FOXP2: variants seen among roughly 807,000 people sequenced by gnomAD.
FOXP2 encodes forkhead box protein P2.
FOXP2 carries 12 observed loss-of-function variants against 115.8 expected under a neutral mutation model. That is an observed-to-expected ratio of 0.10 (90% CI 0.07 to 0.17). The LOEUF is 0.17. Among genes scored for constraint, FOXP2 ranks in the 10% least tolerant of loss-of-function variants. The pLI, the probability that FOXP2 is intolerant of heterozygous loss-of-function variation, is 1.00. For synonymous variants in FOXP2, 328 were observed against 297.7 expected (o/e 1.10, Z -1.05); for missense variants, 629 against 843.5 (o/e 0.75, Z 3.15).
chr7:114,271,571 A>G (rs1796043779), intron 1 of FOXP2, among the ~76,000 whole-genome samples: 1 of 126,900 alleles, frequency 7.9e-6, no homozygotes, highest in African/African-American at 3.0e-5. Context: ...TATATAATAT[A>G]ATTTATATAT....
chr7:114,501,781 T>C (rs1371696523), intron 2 of FOXP2, among the ~76,000 whole-genome samples: 1 of 152,108 alleles, frequency 6.6e-6, no homozygotes, highest in Non-Finnish European at 1.5e-5. Context: ...ACGGTGAAAT[T>C]CATAATTATT....
intron 1 of FOXP2, among the ~76,000 whole-genome samples, chr7:114,199,252 C>T (rs1793994356): frequency 6.6e-6 from 1 of 152,150 alleles, no homozygotes; most frequent in Admixed American, 6.5e-5. Flanking sequence ...GGTTGAATGT[C>T]TGAGTAAAAT....
At chr7:114,459,569 G>A (rs1427636223) in intron 2 of FOXP2, among the ~76,000 whole-genome samples, 1 of 152,088 alleles carries the variant, frequency 6.6e-6, no homozygotes, top group East Asian at 1.9e-4. Context: ...GTCCACAGTA[G>A]TTTTGTTGTT....
intron 2 of FOXP2, among the ~76,000 whole-genome samples, chr7:114,390,693 T>A (rs1215546707): frequency 1.3e-5 from 2 of 152,108 alleles, no homozygotes; most frequent in East Asian, 3.9e-4. Flanking sequence ...TAGCTGGGAC[T>A]ACAGCTGCCT....
At chr7:114,202,630 G>A (rs1794096787) in intron 1 of FOXP2, among the ~76,000 whole-genome samples, 1 of 152,184 alleles carries the variant, frequency 6.6e-6, no homozygotes, top group South Asian at 2.1e-4. Flanking sequence ...TAACATCACA[G>A]TGGTATTGGA....
chr7:114,402,083 C>T (rs557437220), intron 2 of FOXP2, among the ~76,000 whole-genome samples: 1 of 152,264 alleles, frequency 6.6e-6, no homozygotes, highest in South Asian at 2.1e-4. Context: ...GATCGTGCCA[C>T]TGCACTCCAG....
intron 2 of FOXP2, among the ~76,000 whole-genome samples, chr7:114,522,219 G>T (rs183136337): frequency 6.6e-6 from 1 of 152,244 alleles, no homozygotes; most frequent in Non-Finnish European, 1.5e-5. Context: ...AAATGAAGGG[G>T]TTTGCTTCCT....
At chr7:114,617,685 C>T (rs551434056) in intron 3 of FOXP2, among the ~76,000 whole-genome samples, 1 of 152,244 alleles carries the variant, frequency 6.6e-6, no homozygotes, top group South Asian at 2.1e-4. Flanking sequence ...CCCAGCTATT[C>T]CGGAGGCTAA....
intron 5 of FOXP2, 71 bp downstream of exon 5, chr7:114,630,076 T>C: frequency 6.3e-7 from 1 of 1,599,848 alleles, no homozygotes; most frequent in East Asian, 2.2e-5. Flanking sequence ...GCAAGAATAG[T>C]CTTAGATCTT....
intron 8 of FOXP2, among the ~76,000 whole-genome samples, chr7:114,647,596 T>A (rs1805983795): frequency 1.3e-5 from 2 of 151,864 alleles, no homozygotes; most frequent in Admixed American, 6.6e-5. Context: ...TGAGTTTTAG[T>A]GTAAAGTAGG....
At chr7:114,176,277 T>G (rs975081008) in intron 1 of FOXP2, among the ~76,000 whole-genome samples, 5 of 42,334 alleles carry the variant, frequency 1.2e-4, no homozygotes, top group African/African-American at 2.6e-4. Flanking sequence ...TCTTTCTTTC[T>G]TTCTTTCTTT....
At chr7:114,623,762 T>C (rs1804380872) in intron 3 of FOXP2, among the ~76,000 whole-genome samples, 1 of 151,924 alleles carries the variant, frequency 6.6e-6, no homozygotes, top group Admixed American at 6.6e-5. Context: ...ATACTAAAAC[T>C]TGTGTCTTAA....
At chr7:114,250,416 T>C (rs1258847427) in intron 1 of FOXP2, among the ~76,000 whole-genome samples, 1 of 152,176 alleles carries the variant, frequency 6.6e-6, no homozygotes, top group Non-Finnish European at 1.5e-5. Context: ...CCACCAGCAG[T>C]ATAAAAGTAT....
chr7:114,097,706 T>G (rs1158772668), intron 1 of FOXP2, among the ~76,000 whole-genome samples: 1 of 152,210 alleles, frequency 6.6e-6, no homozygotes, highest in Non-Finnish European at 1.5e-5. Flanking sequence ...GCTCTCATAC[T>G]GCCTTTCCTT....
intron 1 of FOXP2, among the ~76,000 whole-genome samples, chr7:114,149,705 T>C (rs1021290646): frequency 6.6e-6 from 1 of 152,092 alleles, no homozygotes; most frequent in Non-Finnish European, 1.5e-5. Context: ...AATTAACAAG[T>C]GAAACCTTCG....
In FOXP2 at chr7:114,269,814, T is replaced by C. The variant is rs938754271; in HGVS notation, c.-101-18205T>C. The stretch of plus-strand genomic sequence containing the variant: ...CCACCCTCAGTAAAAAGGATAAATT[T>C]ACAATTTTGTATCAAAGATTACTTC... On this transcript the variant is annotated intron_variant, in intron 1 of 17. Transcript: ENST00000634411. Among the ~76,000 whole-genome samples, 3 of 152,176 alleles carry C rather than the reference T, an allele frequency of 2.0e-5. No individual in the cohort carries two copies. In the South Asian group the frequency reaches 6.2e-4, roughly 32 times the overall value.
rs529444883 is a variant in FOXP2, at chr7:114,104,355, A to C, written c.-247+16517A>C. 2.0e-5 allele frequency among the ~76,000 whole-genome samples: 3 copies of C among 152,002 alleles called. No homozygotes were observed. The South Asian group carries it at 6.2e-4, about 32-fold the overall frequency. ...AAAATGAAAAGTGCAAAAAGACCTAATGCAGTCAGGTATGGGGGCTGTTGA... is the reference window on the plus strand; with the variant it reads ...AAAATGAAAAGTGCAAAAAGACCTACTGCAGTCAGGTATGGGGGCTGTTGA... On this transcript the variant is annotated intron_variant, in intron 1 of 19. Coordinates refer to the FOXP2 transcript ENST00000635638.
chr7:114,493,963 C>T (rs2129246305), intron 2 of FOXP2, among the ~76,000 whole-genome samples: 1 of 151,600 alleles, frequency 6.6e-6, no homozygotes, highest in East Asian at 1.9e-4. Context: ...TCACAGAAAA[C>T]TTGTTCTATA....
chr7:114,524,567 T>A (rs1202990288), intron 2 of FOXP2, among the ~76,000 whole-genome samples: 1 of 152,140 alleles, frequency 6.6e-6, no homozygotes, highest in Non-Finnish European at 1.5e-5. Flanking sequence ...GTGAAAAAGC[T>A]TGGACATATA....
Sources: allele counts gnomAD v4.1 joint callset (sites outside exome capture counted in the v4.1 genomes callset), GRCh38; gene constraint gnomAD v4.1.1; transcripts MANE v1.5; gene names NCBI Gene and HGNC (gene_info 2026-07-23, HGNC 2026-07-21).